Variants in ALDH2 observed in about 807,000 individuals in gnomAD.
The protein encoded by ALDH2 is aldehyde dehydrogenase 2 family member.
ALDH2 carries 44 observed loss-of-function variants against 59.6 expected under a neutral mutation model. The ratio of observed to expected loss-of-function variants is 0.74; its 90% CI spans 0.58 to 0.95. The LOEUF is 0.95. Among genes scored for constraint, ALDH2 ranks in the 40% least tolerant of loss-of-function variants. ALDH2 has a pLI of 0.00. For missense variants in ALDH2, 570 were observed against 696.3 expected (o/e 0.82, Z 2.04); for synonymous variants, 291 against 284.0 (o/e 1.02, Z -0.25).
intron 10 of ALDH2, 135 bp downstream of exon 10, chr12:111,798,377 C>T (rs2068422847): frequency 2.3e-6 from 2 of 874,338 alleles, no homozygotes; most frequent in Non-Finnish European, 3.4e-6. Flanking sequence ...AACCAGTGCC[C>T]ATAACACGCT....
Position 111,799,972 on chromosome 12 carries a change from A to T in ALDH2, c.1315A>T (p.Asn439Tyr), listed in dbSNP as rs2068437055. ...TIEEVVGRAN[N>Y]STYGLAAAVF... ...AGAGGAGGTTGTTGGGAGAGCCAAC[A>T]ATTCCACGTACGGGCTGGCCGCAGC... Residue 439 changes from asparagine to tyrosine, a missense_variant, in exon 11 of 13, where the codon AAT (asparagine) becomes TAT (tyrosine). By Grantham distance (143) the Asn-to-Tyr change is moderately radical. Transcript: ENST00000261733. 4 of 1,613,962 alleles carry T rather than the reference A, an allele frequency of 2.5e-6. No individual in the cohort carries two copies. Among genetic ancestry groups the T allele is most frequent in the Non-Finnish European group, 3.4e-6 (4 of 1,180,028 alleles).
chr12:111,773,286 C>T (rs1265941746), intron 1 of ALDH2, among the ~76,000 whole-genome samples: 2 of 152,116 alleles, frequency 1.3e-5, no homozygotes, highest in Non-Finnish European at 2.9e-5. Flanking sequence ...AATCAGAGAA[C>T]ACAAATGGGC....
intron 10 of ALDH2, among the ~76,000 whole-genome samples, chr12:111,799,084 C>T (rs890315341): frequency 1.2e-4 from 18 of 152,044 alleles, no homozygotes; most frequent in Non-Finnish European, 5.9e-5. Context: ...AGACTAGTCT[C>T]GAACTCCTGA....
chr12:111,791,978 G>A, intron 7 of ALDH2, 83 bp from the exon 8 acceptor site: 2 of 834,986 alleles, frequency 2.4e-6, no homozygotes, highest in Admixed American at 2.2e-5. Flanking sequence ...TCAAGCTGTG[G>A]GGGACTCTGT....
chr12:111,773,335 A>G (rs2068215194), intron 1 of ALDH2, among the ~76,000 whole-genome samples: 1 of 152,216 alleles, frequency 6.6e-6, no homozygotes, highest in Non-Finnish European at 1.5e-5. Context: ...TGTGGGACAC[A>G]CTTGAGTTTC....
chr12:111,777,405 G>A (rs759403817), intron 1 of ALDH2, among the ~76,000 whole-genome samples: 1 of 152,166 alleles, frequency 6.6e-6, no homozygotes, highest in African/African-American at 2.4e-5. Context: ...GGAGGAAGAA[G>A]CTTGGGGATA....
intron 12 of ALDH2, among the ~76,000 whole-genome samples, chr12:111,806,256 G>T (rs2068493414): frequency 6.6e-6 from 1 of 151,708 alleles, no homozygotes; most frequent in Admixed American, 6.6e-5. Flanking sequence ...GGTGGAGCTT[G>T]CAGTGAGCCA....
At chr12:111,797,200 C>A (rs945077105) in intron 9 of ALDH2, among the ~76,000 whole-genome samples, 1 of 152,076 alleles carries the variant, frequency 6.6e-6, no homozygotes, top group Non-Finnish European at 1.5e-5. Flanking sequence ...CCCAAAGTGC[C>A]GAGATTACAG....
At position 111,789,845 on chromosome 12, in the gene ALDH2, A is replaced by G; in HGVS notation, c.463A>G (p.Lys155Glu). 1 of 1,614,148 alleles carries G rather than the reference A, an allele frequency of 6.2e-7. No individual in the cohort carries two copies. The highest frequency in any genetic ancestry group is 1.1e-5 in the South Asian group (1 of 91,086). ...AAGGTATTATGCCGGCTGGGCTGAT[A>G]AGTACCACGGGAAAACCATCCCCAT... is the stretch of plus-strand genomic sequence containing the variant. ...CLRYYAGWAD[K>E]YHGKTIPIDG... The change falls in exon 5 of 13, where the codon AAG becomes GAG. Residue 155 changes from lysine to glutamate, a missense_variant. By Grantham distance (56) the Lys-to-Glu change is moderately conservative. Transcript: ENST00000261733.
chr12:111,804,858 G>A (rs1445488052), intron 12 of ALDH2, among the ~76,000 whole-genome samples: 1 of 152,030 alleles, frequency 6.6e-6, no homozygotes, highest in Non-Finnish European at 1.5e-5. Context: ...AAGCTATTAG[G>A]CATGAGATAT....
chr12:111,815,568 C>G lies in ALDH2; in HGVS notation c.*5993C>G, dbSNP rs956316954. ...ACCTGACCTACAGCCATCTATGACT[C>G]CTACTGTATCTTCCATGCCAGGAGT... On this transcript the variant is annotated 3_prime_UTR_variant, in exon 13 of 13. Transcript: ENST00000261733. 2 of 152,086 alleles carry G rather than the reference C, an allele frequency of 1.3e-5. No individual in the cohort carries two copies. Among genetic ancestry groups the G allele is most frequent in the Admixed American group, 6.6e-5 (1 of 15,262 alleles). The allele number at this position is 152,086 out of a possible 1,614,324, so 9.4% of individuals were successfully genotyped here.
chr12:111,794,146 G>A (rs1427494164), intron 9 of ALDH2, among the ~76,000 whole-genome samples: 2 of 151,090 alleles, frequency 1.3e-5, no homozygotes, highest in East Asian at 3.9e-4. Flanking sequence ...AGCCTCCTGA[G>A]TAGCTGGGAC....
intron 9 of ALDH2, among the ~76,000 whole-genome samples, chr12:111,796,664 G>A (rs940164508): frequency 3.3e-5 from 5 of 152,114 alleles, no homozygotes; most frequent in African/African-American, 4.8e-5. Context: ...ACACTTGGGA[G>A]GGAGGCCAAG....
At chr12:111,804,418 T>C (rs1480647432) in intron 12 of ALDH2, among the ~76,000 whole-genome samples, 2 of 152,094 alleles carry the variant, frequency 1.3e-5, no homozygotes, top group Non-Finnish European at 2.9e-5. Context: ...GAGGAAAAGC[T>C]TCTAGTAAGA....
rs571588910 is a variant in ALDH2 at position 111,792,600 on chromosome 12, G to C, written c.901G>C (p.Asp301His). The change falls in exon 9 of 13, where the codon GAT (aspartate) becomes CAT (histidine). Residue 301 changes from aspartate (D) to histidine (H), a missense_variant and splice_region_variant. By Grantham distance (81) the Asp-to-His change is moderately conservative. Coordinates refer to ENST00000261733, the MANE Select transcript of ALDH2 (RefSeq NM_000690.4). ...PNIIMSDADMDWAVEQAHFAL... is the reference protein window; with the variant it reads ...PNIIMSDADMHWAVEQAHFAL... Reference sequence around the variant, plus strand: ...TGTCTCCTGCCCACTTCCCGCAGTGGATTGGGCCGTGGAACAGGCCCACTT... The same window carrying C: ...TGTCTCCTGCCCACTTCCCGCAGTGCATTGGGCCGTGGAACAGGCCCACTT... The C allele has an allele frequency of 6.2e-7, 1 of 1,611,680 alleles. No homozygotes were observed. The highest frequency in any genetic ancestry group is 8.5e-7 in the Non-Finnish European group (1 of 1,179,722).
chr12:111,780,559 G>A (rs924100116), intron 1 of ALDH2, among the ~76,000 whole-genome samples: 4 of 152,046 alleles, frequency 2.6e-5, no homozygotes, highest in Non-Finnish European at 5.9e-5. Context: ...TTCCGGACTC[G>A]GTCAAATGTC....
rs751128369 is a variant in ALDH2, at chr12:111,783,209, T to A, written c.271T>A (p.Ser91Thr). The change falls in exon 3 of 13, where the codon TCA becomes ACA. Residue 91 changes from serine to threonine, a missense_variant. Coordinates refer to ENST00000261733, the MANE Select transcript of ALDH2 (RefSeq NM_000690.4). Reference protein sequence around the residue: ...KAARAAFQLGSPWRRMDASHR... With the variant: ...KAARAAFQLGTPWRRMDASHR... ...CGCCCGGGCCGCCTTCCAGCTGGGCTCACCTTGGCGCCGCATGGACGCATC... is the reference window on the plus strand; with the variant it reads ...CGCCCGGGCCGCCTTCCAGCTGGGCACACCTTGGCGCCGCATGGACGCATC... 34 of 1,613,222 alleles carry A rather than the reference T, an allele frequency of 2.1e-5. No individual in the cohort carries two copies. The highest frequency in any genetic ancestry group is 3.3e-5 in the Admixed American group (2 of 59,950).
At chr12:111,804,982 C>G (rs987119544) in intron 12 of ALDH2, among the ~76,000 whole-genome samples, 1 of 152,148 alleles carries the variant, frequency 6.6e-6, no homozygotes, top group Non-Finnish European at 1.5e-5. Flanking sequence ...ATATTCATCA[C>G]TGCTTTATCT....
intron 1 of ALDH2, among the ~76,000 whole-genome samples, chr12:111,771,148 C>A (rs2068196669): frequency 6.6e-6 from 1 of 152,040 alleles, no homozygotes; most frequent in Admixed American, 6.5e-5. Flanking sequence ...GTAATCCCAG[C>A]ACTTTCAGAG....
Sources: gnomAD v4.1 joint callset for allele counts (sites outside exome capture counted in the v4.1 genomes callset) on GRCh38, gnomAD v4.1.1 for gene constraint, MANE v1.5 for transcripts, NCBI Gene and HGNC (gene_info 2026-07-23, HGNC 2026-07-21) for gene names.